Variants in IL19 observed in about 807,000 individuals in gnomAD.
IL19 encodes interleukin 19.
In IL19, 15 loss-of-function variants were observed where a neutral mutation model predicts 19.5. The ratio of observed to expected loss-of-function variants is 0.77; its 90% CI spans 0.52 to 1.19. The LOEUF (loss-of-function observed/expected upper bound fraction) is 1.19, where lower values mean the gene tolerates loss of function less well. Among genes scored for constraint, IL19 ranks in the 50% most tolerant of loss-of-function variants. The probability of loss-of-function intolerance (pLI) is 0.00; values close to 1 mark genes in which losing one functional copy is unlikely to be tolerated. For synonymous variants in IL19, 78 were observed against 78.3 expected (o/e 1.00, Z 0.02); for missense variants, 199 against 213.1 (o/e 0.93, Z 0.41).
chr1:206,784,772 T>C (rs1005675528), intron 1 of IL19, among the ~76,000 whole-genome samples: 3 of 152,256 alleles, frequency 2.0e-5, no homozygotes, highest in Admixed American at 2.0e-4. Context: ...AGAAAGCGCT[T>C]CACATCTCTT....
intron 2 of IL19, among the ~76,000 whole-genome samples, chr1:206,807,445 A>G (rs1384308936): frequency 1.3e-5 from 2 of 152,108 alleles, no homozygotes; most frequent in Non-Finnish European, 2.9e-5. Context: ...TGCACATGCT[A>G]AGCTCCTTCT....
At chr1:206,802,387 A>G (rs538086526) in intron 2 of IL19, among the ~76,000 whole-genome samples, 2 of 152,204 alleles carry the variant, frequency 1.3e-5, no homozygotes, top group African/African-American at 4.8e-5. Flanking sequence ...TCTGCCTTCC[A>G]TGTACCAAAA....
rs755427261 is a variant in IL19, at chr1:206,837,040, G to T, written c.210+17G>T. ...ATCATTAAGGTATTGGCCTGTGTCT[G>T]CTTTTTCCAGTATTTTTATCTTCAT... On this transcript the variant is annotated intron_variant, in intron 4 of 6. Transcript: ENST00000659997. 8 of 1,593,096 alleles carry T rather than the reference G, an allele frequency of 5.0e-6. No homozygotes were observed. The South Asian group carries it at 8.8e-5, about 18-fold the overall frequency.
At chr1:206,822,805 G>A (rs909470118) in intron 2 of IL19, among the ~76,000 whole-genome samples, 14 of 152,160 alleles carry the variant, frequency 9.2e-5, no homozygotes, top group African/African-American at 3.4e-4. Context: ...CTAGTGCAGG[G>A]CCTGGCTTGT....
intron 1 of IL19, chr1:206,771,485 C>T (rs1469819070): frequency 9.4e-6 from 12 of 1,271,254 alleles, no homozygotes; most frequent in African/African-American, 1.5e-5. Flanking sequence ...CTTTTTGATG[C>T]CCTTTCATTT....
In IL19 at chr1:206,842,693, C is replaced by A; in HGVS notation, c.*71C>A. 1 of 906,580 alleles carries A rather than the reference C, an allele frequency of 1.1e-6. No individual in the cohort carries two copies. The highest frequency in any genetic ancestry group is 1.6e-5 in the South Asian group (1 of 64,294). The allele number at this position is 906,580 out of a possible 1,614,324, so 56.2% of individuals were successfully genotyped here. ...CGGTTTACTGTGGGAGACAGCCCAC[C>A]TTGAAGGGGAAGGAGATGGGGAAGG... On this transcript the variant is annotated 3_prime_UTR_variant, in exon 7 of 7. Coordinates refer to ENST00000659997, the MANE Select transcript of IL19 (RefSeq NM_153758.5).
chr1:206,801,984 C>T (rs746892059), intron 2 of IL19, among the ~76,000 whole-genome samples: 4 of 152,210 alleles, frequency 2.6e-5, no homozygotes, highest in East Asian at 1.9e-4. Context: ...ACAGTTTGAA[C>T]GAAGGCACCT....
At chr1:206,807,230 G>A (rs1184200026) in intron 2 of IL19, among the ~76,000 whole-genome samples, 2 of 152,156 alleles carry the variant, frequency 1.3e-5, no homozygotes, top group African/African-American at 4.8e-5. Context: ...CATGACATGT[G>A]GGAATTATGG....
At chr1:206,789,273 T>A (rs1675337657) in intron 1 of IL19, among the ~76,000 whole-genome samples, 1 of 152,212 alleles carries the variant, frequency 6.6e-6, no homozygotes, top group Non-Finnish European at 1.5e-5. Context: ...TATGGAACCT[T>A]CTCACTGAAG....
chr1:206,825,919 C>T (rs1003437528), intron 2 of IL19, among the ~76,000 whole-genome samples: 9 of 152,180 alleles, frequency 5.9e-5, no homozygotes, highest in African/African-American at 2.2e-4. Flanking sequence ...AAGATCCCTG[C>T]CCTTGTGGAG....
rs146339724 is a variant in IL19 at position 206,790,066 on chromosome 1, C to T, written c.-148-8795C>T. On this transcript the variant is annotated intron_variant, in intron 1 of 6. Transcript: ENST00000659997. Reference sequence around the variant, plus strand: ...AAGTAGATACCCAGTAGTGGGATTGCAGGATTGAGTGGTAAATGTGCTTTT... The same window carrying T: ...AAGTAGATACCCAGTAGTGGGATTGTAGGATTGAGTGGTAAATGTGCTTTT... 2.0e-5 allele frequency among the ~76,000 whole-genome samples: 3 copies of T among 152,204 alleles called. No individual in the cohort carries two copies. The East Asian group carries it at 5.8e-4, about 29-fold the overall frequency.
At chr1:206,814,810 A>G (rs1485947190) in intron 2 of IL19, among the ~76,000 whole-genome samples, 1 of 152,062 alleles carries the variant, frequency 6.6e-6, no homozygotes, top group East Asian at 1.9e-4. Context: ...GGACTGTGTC[A>G]ATGCAGAAGA....
chr1:206,813,307 G>A (rs1676065147), intron 2 of IL19, among the ~76,000 whole-genome samples: 1 of 152,190 alleles, frequency 6.6e-6, no homozygotes, highest in Non-Finnish European at 1.5e-5. Flanking sequence ...TGCTTCCTGA[G>A]GGTTTCCCGT....
chr1:206,818,575 T>C (rs1367905425), intron 2 of IL19, among the ~76,000 whole-genome samples: 2 of 152,122 alleles, frequency 1.3e-5, no homozygotes, highest in Non-Finnish European at 2.9e-5. Flanking sequence ...GAGAAAAGGA[T>C]TAAAATAGAG....
At chr1:206,826,975 CAGAA>C (rs1399654286) in intron 2 of IL19, among the ~76,000 whole-genome samples, 1 of 152,186 alleles carries the variant, frequency 6.6e-6, no homozygotes, top group Admixed American at 6.5e-5. Flanking sequence ...ACGAAGGAAA[CAGAA>C]AGTTGTGATA....
rs753591170 is a variant in IL19 at position 206,839,994 on chromosome 1, C to A, written c.355C>A (p.Arg119=). The change falls in exon 5 of 7, where the codon CGG becomes AGG. Residue 119 remains arginine, a synonymous_variant. Coordinates refer to ENST00000659997, the MANE Select transcript of IL19 (RefSeq NM_153758.5). ...TTTCCTCTACATGCAGAAAACTCTG[C>A]GGCAATGTGTGAGTCACTGGGTCAG... ...NSFLYMQKTL[R]QCQEQRQCHC... The A allele has an allele frequency of 6.2e-6, 10 of 1,614,068 alleles. No homozygotes were observed. Among genetic ancestry groups the A allele is most frequent in the Non-Finnish European group, 8.5e-6 (10 of 1,180,032 alleles).
chr1:206,816,360 T>A (rs968547136), intron 2 of IL19, among the ~76,000 whole-genome samples: 1 of 152,114 alleles, frequency 6.6e-6, no homozygotes, highest in African/African-American at 2.4e-5. Flanking sequence ...GTAAAATGTA[T>A]GAAAATAATA....
intron 4 of IL19, among the ~76,000 whole-genome samples, chr1:206,838,065 A>AT (rs1448633956): frequency 6.6e-6 from 1 of 152,226 alleles, no homozygotes; most frequent in Non-Finnish European, 1.5e-5. Context: ...AGTCAATGAG[A>AT]TTTTTGAGCC....
At chr1:206,834,540 A>G (rs186569202) in intron 2 of IL19, 367 of 648,294 alleles carry the variant, frequency 5.7e-4, no homozygotes, top group Middle Eastern at 2.4e-3. Flanking sequence ...GTAGAATGGG[A>G]AGGGGTACTC....
Sources: allele counts gnomAD v4.1 joint callset (sites outside exome capture counted in the v4.1 genomes callset), GRCh38; gene constraint gnomAD v4.1.1; transcripts MANE v1.5; gene names NCBI Gene and HGNC (gene_info 2026-07-23, HGNC 2026-07-21).